Variants in OR1A2 observed in about 807,000 individuals in gnomAD.
OR1A2 encodes olfactory receptor family 1 subfamily A member 2.
For missense variants in OR1A2, 354 were observed against 372.8 expected (o/e 0.95, Z 0.42); for synonymous variants, 131 against 140.0 (o/e 0.94, Z 0.46).
rs774722195 is a variant in OR1A2, at chr17:3,198,092, G to A, written c.574G>A (p.Val192Ile). The stretch of plus-strand genomic sequence containing the variant: ...TTTGCTGAAGTTGTCCTGTTCTGAC[G>A]TCCACTTTAATGTGAAGATGATGTA... ...MPLLKLSCSD[V>I]HFNVKMMYLG... The change falls in exon 1 of 1, where the codon GTC becomes ATC. Residue 192 changes from valine (V) to isoleucine (I), a missense_variant. Transcript: ENST00000381951. The A allele has an allele frequency of 2.1e-5, 33 of 1,609,724 alleles. No homozygotes were observed. In the South Asian group the frequency reaches 2.1e-4, roughly 10 times the overall value.
chr17:3,197,562 T>C lies in OR1A2; in HGVS notation c.44T>C (p.Leu15Pro). Residue 15 changes from leucine to proline, a missense_variant, in exon 1 of 1, where the codon CTG becomes CCG. By Grantham distance (98) the Leu-to-Pro change is moderately conservative. Transcript: ENST00000381951. ...NQSFNLDFIL[L>P]GVTSQQEQNN... ...TCCTTTAACCTGGATTTTATTCTCC[T>C]GGGAGTTACTAGTCAGCAAGAACAG... The C allele has an allele frequency of 6.2e-7, 1 of 1,612,900 alleles. No individual in the cohort carries two copies. The highest frequency in any genetic ancestry group is 8.5e-7 in the Non-Finnish European group (1 of 1,179,038).
At position 3,198,424 on chromosome 17, in the gene OR1A2, C is replaced by T; in HGVS notation, c.906C>T (p.Leu302=). The change falls in exon 1 of 1, where the codon CTC becomes CTT. Residue 302 remains leucine (L), a synonymous_variant. Coordinates refer to ENST00000381951, the MANE Select transcript of OR1A2 (RefSeq NM_012352.3). ...ATATGAAGGCAGCCCTACAGAAACTCTTCAGCAAGAGAATCTCCTCATAGC... is the reference window on the plus strand; with the variant it reads ...ATATGAAGGCAGCCCTACAGAAACTTTTCAGCAAGAGAATCTCCTCATAGC... ...NWDMKAALQK[L]FSKRISS The T allele has an allele frequency of 6.2e-7, 1 of 1,613,784 alleles. No homozygotes were observed. The highest frequency in any genetic ancestry group is 8.5e-7 in the Non-Finnish European group (1 of 1,179,742).
Position 3,197,658 on chromosome 17 carries a change from TG to T in OR1A2, c.142del (p.Ala48ProfsTer29). 1 of 1,605,350 alleles carries T rather than the reference TG, an allele frequency of 6.2e-7. No individual in the cohort carries two copies. Among genetic ancestry groups the T allele is most frequent in the Non-Finnish European group, 8.5e-7 (1 of 1,176,462 alleles). ...CTGACTGGAAATCTGCTCATCATCTTGGCCATCTGTGCTGACATTCGCCTTC... is the reference window on the plus strand; with the variant it reads ...CTGACTGGAAATCTGCTCATCATCTTGCCATCTGTGCTGACATTCGCCTTC... ...ITLTGNLLII[L>X]AICADIRLHN... On this transcript the variant is annotated frameshift_variant, in exon 1 of 1. Transcript: ENST00000381951. LOFTEE classifies it low-confidence loss of function (END_TRUNC).
chr17:3,197,809 C>A lies in OR1A2; in HGVS notation c.291C>A (p.Cys97Ter). Residue 97 changes from cysteine to a stop codon, truncating the protein, a stop_gained, in exon 1 of 1, where the codon TGC becomes TGA. Transcript: ENST00000381951. LOFTEE classifies it low-confidence loss of function (END_TRUNC). ...GCAAGTTCATCTCCTTTGGGGGATG[C>A]CTAATGCAGATGTATTTCATGATAG... is the stretch of plus-strand genomic sequence containing the variant. ...LGSKFISFGG[C>*]LMQMYFMIAL... The A allele has an allele frequency of 6.2e-7, 1 of 1,608,468 alleles. No homozygotes were observed. The highest frequency in any genetic ancestry group is 8.5e-7 in the Non-Finnish European group (1 of 1,176,802).
chr17:3,198,201 C>T lies in OR1A2; in HGVS notation c.683C>T (p.Pro228Leu). The T allele has an allele frequency of 1.2e-6, 2 of 1,613,126 alleles. No individual in the cohort carries two copies. The highest frequency in any genetic ancestry group is 1.7e-6 in the Non-Finnish European group (2 of 1,179,592). The change falls in exon 1 of 1, where the codon CCA becomes CTA. Residue 228 changes from proline (P) to leucine (L), a missense_variant. Coordinates refer to ENST00000381951, the MANE Select transcript of OR1A2 (RefSeq NM_012352.3). ...GTCTTTTCCACAGTCTTCCAAGTTC[C>T]ATCTACCAAGAGTCTATTCAAAGCC... ...VQVFSTVFQV[P>L]STKSLFKAFC...
Position 3,198,028 on chromosome 17 carries a change from C to A in OR1A2, c.510C>A (p.Gly170=), listed in dbSNP as rs1271136232. The change falls in exon 1 of 1, where the codon GGC becomes GGA. Residue 170 remains glycine (G), a synonymous_variant. Coordinates refer to ENST00000381951, the MANE Select transcript of OR1A2 (RefSeq NM_012352.3). ...TCACAGCTAGTTTGTCCTTCTGTGG[C>A]AACCAGGAAGTAGCCAATTTCTACT... ...TLLTASLSFC[G]NQEVANFYCD... 1.2e-6 allele frequency: 2 copies of A among 1,611,042 alleles called. No homozygotes were observed. The highest frequency in any genetic ancestry group is 2.2e-5 in the East Asian group (1 of 44,858).
Position 3,197,653 on chromosome 17 carries a change from C to G in OR1A2, c.135C>G (p.Ile45Met), listed in dbSNP as rs757665053. ...TCACACTGACTGGAAATCTGCTCATCATCTTGGCCATCTGTGCTGACATTC... is the reference window on the plus strand; with the variant it reads ...TCACACTGACTGGAAATCTGCTCATGATCTTGGCCATCTGTGCTGACATTC... ...YPITLTGNLL[I>M]ILAICADIRL... The change falls in exon 1 of 1, where the codon ATC becomes ATG. Residue 45 changes from isoleucine to methionine, a missense_variant. Coordinates refer to ENST00000381951, the MANE Select transcript of OR1A2 (RefSeq NM_012352.3). 2.5e-6 allele frequency: 4 copies of G among 1,600,956 alleles called. No individual in the cohort carries two copies. Among genetic ancestry groups the G allele is most frequent in the East Asian group, 2.2e-5 (1 of 44,872 alleles).
In OR1A2 at chr17:3,198,079, G is replaced by A. The variant is rs1250761464; in HGVS notation, c.561G>A (p.Leu187=). ...FYCDIMPLLK[L]SCSDVHFNVK... ...GTGACATTATGCCTTTGCTGAAGTT[G>A]TCCTGTTCTGACGTCCACTTTAATG... The change falls in exon 1 of 1, where the codon TTG becomes TTA. Residue 187 remains leucine, a synonymous_variant. Transcript: ENST00000381951. The A allele has an allele frequency of 6.2e-7, 1 of 1,609,860 alleles. No homozygotes were observed.
At position 3,198,254 on chromosome 17, in the gene OR1A2, G is replaced by T. The variant is rs1217291960; in HGVS notation, c.736G>T (p.Val246Phe). The change falls in exon 1 of 1, where the codon GTT becomes TTT. Residue 246 changes from valine (V) to phenylalanine (F), a missense_variant. Physicochemically the swap from Val to Phe is conservative, Grantham distance 50. Transcript: ENST00000381951. ...CTGCACCTGTGGCTCCCACCTCACA[G>T]TTGTTTTTTTATATTATGGTACAAC... ...AFCTCGSHLT[V>F]VFLYYGTTMG... 1 of 1,614,008 alleles carries T rather than the reference G, an allele frequency of 6.2e-7. No individual in the cohort carries two copies. Among genetic ancestry groups the T allele is most frequent in the Non-Finnish European group, 8.5e-7 (1 of 1,180,022 alleles).
chr17:3,198,204 C>A lies in OR1A2; in HGVS notation c.686C>A (p.Ser229Tyr). ...QVFSTVFQVP[S>Y]TKSLFKAFCT... The stretch of plus-strand genomic sequence containing the variant: ...TTTTCCACAGTCTTCCAAGTTCCAT[C>A]TACCAAGAGTCTATTCAAAGCCTTC... Residue 229 changes from serine (S) to tyrosine (Y), a missense_variant, in exon 1 of 1, where the codon TCT (serine) becomes TAT (tyrosine). Physicochemically the swap from Ser to Tyr is moderately radical, Grantham distance 144. Coordinates refer to ENST00000381951, the MANE Select transcript of OR1A2 (RefSeq NM_012352.3). The A allele has an allele frequency of 6.2e-7, 1 of 1,613,252 alleles. No individual in the cohort carries two copies. Among genetic ancestry groups the A allele is most frequent in the Non-Finnish European group, 8.5e-7 (1 of 1,179,626 alleles).
At position 3,198,220 on chromosome 17, in the gene OR1A2, C is replaced by A; in HGVS notation, c.702C>A (p.Phe234Leu). Reference protein sequence around the residue: ...VFQVPSTKSLFKAFCTCGSHL... With the variant: ...VFQVPSTKSLLKAFCTCGSHL... Reference sequence around the variant, plus strand: ...AAGTTCCATCTACCAAGAGTCTATTCAAAGCCTTCTGCACCTGTGGCTCCC... The same window carrying A: ...AAGTTCCATCTACCAAGAGTCTATTAAAAGCCTTCTGCACCTGTGGCTCCC... The change falls in exon 1 of 1, where the codon TTC becomes TTA. Residue 234 changes from phenylalanine to leucine, a missense_variant. By Grantham distance (22) the Phe-to-Leu change is conservative. Transcript: ENST00000381951. The A allele has an allele frequency of 6.2e-7, 1 of 1,613,854 alleles. No homozygotes were observed.
In OR1A2 at chr17:3,198,394, T is replaced by A; in HGVS notation, c.876T>A (p.Asn292Lys). The change falls in exon 1 of 1, where the codon AAT becomes AAA. Residue 292 changes from asparagine to lysine, a missense_variant. Transcript: ENST00000381951. Reference protein sequence around the residue: ...ALNPFIYSLRNWDMKAALQKL... With the variant: ...ALNPFIYSLRKWDMKAALQKL... ...ATCCTTTCATCTATAGTCTGAGAAA[T>A]TGGGATATGAAGGCAGCCCTACAGA... 3.7e-6 allele frequency: 6 copies of A among 1,614,056 alleles called. No individual in the cohort carries two copies. The highest frequency in any genetic ancestry group is 5.1e-6 in the Non-Finnish European group (6 of 1,179,992).
Position 3,198,142 on chromosome 17 carries a change from G to A in OR1A2, c.624G>A (p.Leu208=). 6.2e-7 allele frequency: 1 copy of A among 1,611,888 alleles called. No individual in the cohort carries two copies. Residue 208 remains leucine (L), a synonymous_variant, in exon 1 of 1, where the codon TTG becomes TTA. Coordinates refer to ENST00000381951, the MANE Select transcript of OR1A2 (RefSeq NM_012352.3). ...MMYLGVGVFS[L]PLLCIIVSYV... ...ACCTAGGGGTCGGCGTTTTCTCTTT[G>A]CCATTACTATGCATCATTGTCTCCT...
Position 3,198,172 on chromosome 17 carries a change from T to G in OR1A2, c.654T>G (p.Val218=). The G allele has an allele frequency of 6.2e-7, 1 of 1,612,870 alleles. No individual in the cohort carries two copies. Among genetic ancestry groups the G allele is most frequent in the Non-Finnish European group, 8.5e-7 (1 of 1,179,458 alleles). Residue 218 remains valine, a synonymous_variant, in exon 1 of 1, where the codon GTT becomes GTG. Transcript: ENST00000381951. ...LPLLCIIVSY[V]QVFSTVFQVP... ...TACTATGCATCATTGTCTCCTATGT[T>G]CAGGTCTTTTCCACAGTCTTCCAAG... is the stretch of plus-strand genomic sequence containing the variant.
chr17:3,197,709 C>T lies in OR1A2; in HGVS notation c.191C>T (p.Ala64Val). Reference protein sequence around the residue: ...RLHNPMYFLLANLSLVDIIFS... With the variant: ...RLHNPMYFLLVNLSLVDIIFS... ...CACAACCCCATGTATTTTCTCCTTG[C>T]CAACCTCTCCTTGGTTGACATCATC... Residue 64 changes from alanine (A) to valine (V), a missense_variant, in exon 1 of 1, where the codon GCC (alanine) becomes GTC (valine). Coordinates refer to ENST00000381951, the MANE Select transcript of OR1A2 (RefSeq NM_012352.3). 1 of 1,587,530 alleles carries T rather than the reference C, an allele frequency of 6.3e-7. No individual in the cohort carries two copies. Among genetic ancestry groups the T allele is most frequent in the South Asian group, 1.2e-5 (1 of 84,850 alleles).
chr17:3,197,980 C>A lies in OR1A2; in HGVS notation c.462C>A (p.Thr154=). ...LIAGSWVIGN[T]SALPHTLLTA... is the part of the protein sequence containing the mutation. Reference sequence around the variant, plus strand: ...CTGGGTCTTGGGTGATTGGAAACACCAGTGCTCTCCCCCACACTCTGCTCA... The same window carrying A: ...CTGGGTCTTGGGTGATTGGAAACACAAGTGCTCTCCCCCACACTCTGCTCA... Residue 154 remains threonine (T), a synonymous_variant, in exon 1 of 1, where the codon ACC becomes ACA. Transcript: ENST00000381951. 1 of 1,613,920 alleles carries A rather than the reference C, an allele frequency of 6.2e-7. No individual in the cohort carries two copies. The highest frequency in any genetic ancestry group is 8.5e-7 in the Non-Finnish European group (1 of 1,179,934).
rs1173997584 is a variant in OR1A2 at position 3,197,643 on chromosome 17, A to G, written c.125A>G (p.Asn42Ser). 1 of 1,603,086 alleles carries G rather than the reference A, an allele frequency of 6.2e-7. No homozygotes were observed. Among genetic ancestry groups the G allele is most frequent in the African/African-American group, 1.4e-5 (1 of 70,408 alleles). ...ATTTACCCCATCACACTGACTGGAAATCTGCTCATCATCTTGGCCATCTGT... is the reference window on the plus strand; with the variant it reads ...ATTTACCCCATCACACTGACTGGAAGTCTGCTCATCATCTTGGCCATCTGT... ...LCIYPITLTG[N>S]LLIILAICAD... is the part of the protein sequence containing the mutation. Residue 42 changes from asparagine to serine, a missense_variant, in exon 1 of 1, where the codon AAT (asparagine) becomes AGT (serine). By Grantham distance (46) the Asn-to-Ser change is conservative. Transcript: ENST00000381951.
chr17:3,197,648 CTCA>C lies in OR1A2; in HGVS notation c.136_138del (p.Ile46del), dbSNP rs1469056725. The C allele has an allele frequency of 6.2e-7, 1 of 1,601,796 alleles. No individual in the cohort carries two copies. Among genetic ancestry groups the C allele is most frequent in the Non-Finnish European group, 8.5e-7 (1 of 1,177,016 alleles). On this transcript the variant is annotated inframe_deletion, in exon 1 of 1. Coordinates refer to ENST00000381951, the MANE Select transcript of OR1A2 (RefSeq NM_012352.3). ...CCCCATCACACTGACTGGAAATCTG[CTCA>C]TCATCTTGGCCATCTGTGCTGACAT...
Position 3,198,411 on chromosome 17 carries a change from C to T in OR1A2, c.893C>T (p.Ala298Val). Residue 298 changes from alanine (A) to valine (V), a missense_variant, in exon 1 of 1, where the codon GCC becomes GTC. Coordinates refer to ENST00000381951, the MANE Select transcript of OR1A2 (RefSeq NM_012352.3). ...YSLRNWDMKA[A>V]LQKLFSKRIS... ...CTGAGAAATTGGGATATGAAGGCAGCCCTACAGAAACTCTTCAGCAAGAGA... is the reference window on the plus strand; with the variant it reads ...CTGAGAAATTGGGATATGAAGGCAGTCCTACAGAAACTCTTCAGCAAGAGA... The T allele has an allele frequency of 1.2e-6, 2 of 1,613,992 alleles. No homozygotes were observed. The highest frequency in any genetic ancestry group is 1.7e-6 in the Non-Finnish European group (2 of 1,179,924).
Sources: gnomAD v4.1 joint callset for allele counts on GRCh38, gnomAD v4.1.1 for gene constraint, MANE v1.5 for transcripts, NCBI Gene and HGNC (gene_info 2026-07-23, HGNC 2026-07-21) for gene names.